SLC16A7: variants seen among roughly 807,000 people sequenced by gnomAD.
The protein encoded by SLC16A7 is monocarboxylate transporter 2.
Under a neutral mutation model 34.9 loss-of-function variants are expected in SLC16A7, and 33 were observed. That is an observed-to-expected ratio of 0.94 (90% CI 0.72 to 1.26). The LOEUF (loss-of-function observed/expected upper bound fraction) is 1.26, where lower values mean the gene tolerates loss of function less well. Among genes scored for constraint, SLC16A7 ranks in the 50% most tolerant of loss-of-function variants. The pLI is 0.00. For missense variants in SLC16A7, 573 were observed against 578.1 expected (o/e 0.99, Z 0.09); for synonymous variants, 201 against 206.6 (o/e 0.97, Z 0.23).
rs1412236442 is a variant in SLC16A7, at chr12:59,674,081, CATCTGATTT to C, written c.-31+18835_-31+18843del. Among the ~76,000 whole-genome samples the C allele has an allele frequency of 6.6e-5, 10 of 152,262 alleles. 1 individual carries two copies. Among genetic ancestry groups the C allele is most frequent in the African/African-American group, 2.2e-4 (9 of 41,562 alleles). ...TTATTCCCTAATAACCTAAACCTTA[CATCTGATTT>C]ATCCATTTTATGTTGAATTAACATT... is the stretch of plus-strand genomic sequence containing the variant. On this transcript the variant is annotated intron_variant, in intron 2 of 5. Transcript: ENST00000547379.
chr12:59,743,924 A>G (rs1878606521), intron 3 of SLC16A7, among the ~76,000 whole-genome samples: 1 of 152,174 alleles, frequency 6.6e-6, no homozygotes. Context: ...TATTTAACTT[A>G]CAGTCTTACT....
intron 3 of SLC16A7, among the ~76,000 whole-genome samples, chr12:59,720,820 T>TA (rs2137201572): frequency 1.3e-5 from 2 of 152,274 alleles, no homozygotes; most frequent in South Asian, 4.1e-4. Context: ...TCAGTACTGT[T>TA]AAGCTATTGA....
At chr12:59,641,257 T>C (rs1880673138) in intron 1 of SLC16A7, among the ~76,000 whole-genome samples, 1 of 152,076 alleles carries the variant, frequency 6.6e-6, no homozygotes. Context: ...TAATCCTTTT[T>C]AAATTTAATT....
intron 3 of SLC16A7, among the ~76,000 whole-genome samples, chr12:59,712,344 T>C (rs1417244015): frequency 2.0e-5 from 3 of 152,216 alleles, no homozygotes; most frequent in Non-Finnish European, 2.9e-5. Flanking sequence ...AAAAGAAATC[T>C]ATGCCCTTTA....
In SLC16A7 at chr12:59,779,681, A is replaced by G. The variant is rs765026275; in HGVS notation, c.*2A>G. 8 of 1,604,050 alleles carry G rather than the reference A, an allele frequency of 5.0e-6. No homozygotes were observed. The Admixed American group carries it at 1.4e-4, about 27-fold the overall frequency. On this transcript the variant is annotated 3_prime_UTR_variant, in exon 6 of 6. Transcript: ENST00000547379. ...TCAGAAAGAGAAACTAACATTTAAC[A>G]AGAATCACATCTCTGATTTCAGTGT...
intron 3 of SLC16A7, among the ~76,000 whole-genome samples, chr12:59,737,432 TAGTC>T (rs1291758961): frequency 5.3e-5 from 8 of 152,308 alleles, no homozygotes; most frequent in East Asian, 3.9e-4. Context: ...CCTTTTAAAA[TAGTC>T]AGTCCAATCT....
rs938970117 is a variant in SLC16A7 at position 59,653,777 on chromosome 12, T to C, written c.-129-1375T>C. The stretch of plus-strand genomic sequence containing the variant: ...ATTCCTTCCATTTTAGATTACAATG[T>C]CAAGGTTCTCTGGTTAAATCGCGTA... On this transcript the variant is annotated intron_variant, in intron 1 of 5. Coordinates refer to ENST00000547379, the MANE Select transcript of SLC16A7 (RefSeq NM_001270623.2). 2.6e-5 allele frequency among the ~76,000 whole-genome samples: 4 copies of C among 151,716 alleles called. No individual in the cohort carries two copies. The South Asian group carries it at 8.3e-4, about 31-fold the overall frequency.
At chr12:59,742,798 A>G (rs564037852) in intron 3 of SLC16A7, among the ~76,000 whole-genome samples, 1 of 152,306 alleles carries the variant, frequency 6.6e-6, no homozygotes, top group South Asian at 2.1e-4. Context: ...ATCAGTCAAT[A>G]TATTTTGAAG....
At chr12:59,777,347 T>C (rs116743699) in intron 5 of SLC16A7, among the ~76,000 whole-genome samples, 2 of 152,132 alleles carry the variant, frequency 1.3e-5, no homozygotes, top group East Asian at 3.9e-4. Flanking sequence ...CTATAGTATT[T>C]GATTATCGCT....
At chr12:59,619,486 G>A (rs1400579553) in intron 1 of SLC16A7, among the ~76,000 whole-genome samples, 2 of 151,964 alleles carry the variant, frequency 1.3e-5, no homozygotes, top group East Asian at 3.9e-4. Context: ...TATCTTGAGA[G>A]GGAAAATACA....
chr12:59,751,315 G>C (rs188017176), intron 3 of SLC16A7, among the ~76,000 whole-genome samples: 2 of 152,346 alleles, frequency 1.3e-5, no homozygotes, highest in African/African-American at 4.8e-5. Flanking sequence ...GCCTCACTCG[G>C]GAAGCGCAAG....
chr12:59,604,537 T>C (rs1430971672), intron 1 of SLC16A7, among the ~76,000 whole-genome samples: 1 of 152,228 alleles, frequency 6.6e-6, no homozygotes, highest in African/African-American at 2.4e-5. Flanking sequence ...GGCTATTAAG[T>C]AAAGTTATAA....
intron 2 of SLC16A7, among the ~76,000 whole-genome samples, chr12:59,703,661 G>C (rs1488001718): frequency 6.6e-6 from 1 of 152,024 alleles, no homozygotes; most frequent in Non-Finnish European, 1.5e-5. Context: ...ACCCAGGATG[G>C]AGTGCAGTGG....
At chr12:59,722,280 C>G (rs753035218) in intron 3 of SLC16A7, among the ~76,000 whole-genome samples, 4 of 151,952 alleles carry the variant, frequency 2.6e-5, no homozygotes, top group African/African-American at 4.8e-5. Context: ...TTTATTGGTT[C>G]TGCCTTCTAA....
At chr12:59,726,190 A>G (rs1292123201) in intron 3 of SLC16A7, among the ~76,000 whole-genome samples, 1 of 152,282 alleles carries the variant, frequency 6.6e-6, no homozygotes, top group East Asian at 1.9e-4. Context: ...GTAAATTATC[A>G]GAATGCTACT....
rs1353038111 is a variant in SLC16A7, at chr12:59,786,030, T to C, written c.*6351T>C. ...AAGGGGAACATCACACTCTGGGGAC[T>C]GTGGTGGGGTCGGGGGAGGGGGGAG... On this transcript the variant is annotated 3_prime_UTR_variant, in exon 6 of 6. Coordinates refer to ENST00000547379, the MANE Select transcript of SLC16A7 (RefSeq NM_001270623.2). 1 of 106,804 alleles carries C rather than the reference T, an allele frequency of 9.4e-6. No individual in the cohort carries two copies. The highest frequency in any genetic ancestry group is 1.8e-5 in the Non-Finnish European group (1 of 54,668). The allele number at this position is 106,804 out of a possible 1,614,324, so 6.6% of individuals were successfully genotyped here.
At chr12:59,654,835 G>A (rs1011273887) in intron 1 of SLC16A7, among the ~76,000 whole-genome samples, 4 of 151,760 alleles carry the variant, frequency 2.6e-5, no homozygotes, top group African/African-American at 4.8e-5. Context: ...GTTTTGGCAC[G>A]AAATCCTCTG....
At chr12:59,776,046 T>G (rs1289337146) in intron 5 of SLC16A7, among the ~76,000 whole-genome samples, 1 of 152,192 alleles carries the variant, frequency 6.6e-6, no homozygotes, top group Non-Finnish European at 1.5e-5. Flanking sequence ...GCCACTCATG[T>G]TCCATGTTTA....
At chr12:59,651,953 G>T (rs1345327852) in intron 1 of SLC16A7, among the ~76,000 whole-genome samples, 1 of 152,016 alleles carries the variant, frequency 6.6e-6, no homozygotes, top group Non-Finnish European at 1.5e-5. Context: ...TAAGCTTGAG[G>T]TATTAATAAA....
Sources: allele counts gnomAD v4.1 joint callset (sites outside exome capture counted in the v4.1 genomes callset), GRCh38; gene constraint gnomAD v4.1.1; transcripts MANE v1.5; gene names NCBI Gene and HGNC (gene_info 2026-07-23, HGNC 2026-07-21).